The following PHKG1 variants were observed in gnomAD, a reference collection of about 807,000 sequenced individuals.
PHKG1 encodes phosphorylase b kinase gamma catalytic chain, skeletal muscle/heart isoform.
In PHKG1, 48 loss-of-function variants were observed where a neutral mutation model predicts 50.5. The ratio of observed to expected loss-of-function variants is 0.95; its 90% CI spans 0.75 to 1.21. The LOEUF is 1.21. Ranked by LOEUF, PHKG1 falls within the 50% of genes most tolerant of loss-of-function variation. The pLI, the probability that PHKG1 is intolerant of heterozygous loss-of-function variation, is 0.00. For missense variants in PHKG1, 487 were observed against 519.5 expected (o/e 0.94, Z 0.61); for synonymous variants, 204 against 212.8 (o/e 0.96, Z 0.36).
intron 2 of PHKG1, among the ~76,000 whole-genome samples, chr7:56,088,363 A>G (rs1449646959): frequency 6.6e-6 from 1 of 151,712 alleles, no homozygotes; most frequent in Non-Finnish European, 1.5e-5. Context: ...TTTAAAAAAA[A>G]AAATAGAGAT....
Position 56,081,691 on chromosome 7 carries a change from G to T in PHKG1, c.857C>A (p.Pro286His), listed in dbSNP as rs201883624. 3.2e-5 allele frequency: 52 copies of T among 1,613,758 alleles called. 1 individual carries two copies. In the South Asian group the frequency reaches 5.6e-4, roughly 17 times the overall value. Residue 286 changes from proline (P) to histidine (H), a missense_variant, in exon 9 of 10, where the codon CCC becomes CAC. Physicochemically the swap from Pro to His is moderately conservative, Grantham distance 77. Coordinates refer to ENST00000297373, the MANE Select transcript of PHKG1 (RefSeq NM_006213.5). This position sits in a 1 kb window ranked among gnomAD's most constrained non-coding sequence, Gnocchi z 4.6. ...CTCCACCAAGTACTGCTGGAAGAAG[G>T]GGTGTGCCAAGGCCTCTTCCGCTGT... The part of the protein sequence containing the change: ...RYTAEEALAH[P>H]FFQQYLVEEV...
intron 1 of PHKG1, 42 bp from the exon 2 acceptor site, chr7:56,089,017 AG>A: frequency 2.1e-6 from 2 of 958,996 alleles, no homozygotes; most frequent in East Asian, 4.9e-5. Context: ...TTCCTGACCC[AG>A]GGGCTGTTCT....
intron 1 of PHKG1, among the ~76,000 whole-genome samples, chr7:56,091,928 C>T (rs1426015363): frequency 6.6e-6 from 1 of 152,252 alleles, no homozygotes; most frequent in Non-Finnish European, 1.5e-5. Flanking sequence ...TAAAAACAAG[C>T]CCATTTGCTG....
intron 2 of PHKG1, 143 bp from the exon 3 acceptor site, chr7:56,087,919 A>G: frequency 1.8e-6 from 1 of 558,212 alleles, no homozygotes; most frequent in Non-Finnish European, 3.1e-6. Context: ...GAAATGGTGG[A>G]TGAATAAATA....
chr7:56,090,346 C>A (rs1349028012), intron 1 of PHKG1, among the ~76,000 whole-genome samples: 3 of 152,096 alleles, frequency 2.0e-5, no homozygotes, highest in Non-Finnish European at 2.9e-5. Context: ...AAACTCCTGA[C>A]TGCAAATGAT....
In PHKG1 at chr7:56,082,271, A is replaced by G. The variant is rs769760173; in HGVS notation, c.548-18T>C. On this transcript the variant is annotated intron_variant, in intron 6 of 9. Transcript: ENST00000297373. ...GCAGACCTCTGCAGGAACAGTCATC[A>G]TCAGGGCAGGTCAGCAGGGCACTCA... is the stretch of plus-strand genomic sequence containing the variant. 3.7e-6 allele frequency: 6 copies of G among 1,602,012 alleles called. No individual in the cohort carries two copies. Among genetic ancestry groups the G allele is most frequent in the Middle Eastern group, 1.6e-4 (1 of 6,068 alleles).
intron 1 of PHKG1, among the ~76,000 whole-genome samples, chr7:56,089,373 C>G (rs1400641202): frequency 4.0e-5 from 6 of 151,546 alleles, no homozygotes; most frequent in Non-Finnish European, 1.5e-5. Flanking sequence ...GCCCTCCAGC[C>G]TGGGCGACAC....
chr7:56,089,015 C>A, intron 1 of PHKG1, 40 bp from the exon 2 acceptor site: 1 of 977,326 alleles, frequency 1.0e-6, no homozygotes, highest in Non-Finnish European at 1.6e-6. Context: ...CCTTCCTGAC[C>A]CAGGGGCTGT....
At position 56,080,985 on chromosome 7, in the gene PHKG1, C is replaced by G; in HGVS notation, c.*69G>C. 6.3e-7 allele frequency: 1 copy of G among 1,576,884 alleles called. No homozygotes were observed. The highest frequency in any genetic ancestry group is 8.6e-7 in the Non-Finnish European group (1 of 1,158,214). On this transcript the variant is annotated 3_prime_UTR_variant, in exon 10 of 10. Transcript: ENST00000297373. ...TGCAGAGGCCTGCACGCATCTCACC[C>G]CTTTGACTTGTATTTCCATGGCTTC... is the stretch of plus-strand genomic sequence containing the variant.
Position 56,080,427 on chromosome 7 carries a change from C to A in PHKG1, c.*627G>T, listed in dbSNP as rs1795907038. On this transcript the variant is annotated 3_prime_UTR_variant, in exon 10 of 10. Transcript: ENST00000297373. The stretch of plus-strand genomic sequence containing the variant: ...TACAAGTGTGCACCACCATGCCTGG[C>A]TAATTTTTTGAATTTTTGTAGTGAT... 2 of 158,096 alleles carry A rather than the reference C, an allele frequency of 1.3e-5. No individual in the cohort carries two copies. The highest frequency in any genetic ancestry group is 4.8e-5 in the African/African-American group (2 of 41,360). The allele number at this position is 158,096 out of a possible 1,614,324, so 9.8% of individuals were successfully genotyped here. A position where few individuals can be genotyped will look rare whatever the true frequency, so the allele number is the denominator to read the frequency against.
chr7:56,087,064 A>C (rs1161863132), intron 3 of PHKG1, 40 bp from the exon 4 acceptor site: 1 of 1,567,734 alleles, frequency 6.4e-7, no homozygotes, highest in Admixed American at 1.7e-5. Context: ...GTAGCAGGGG[A>C]GCCCAGGCAG....
chr7:56,083,964 T>C (rs370395407), intron 4 of PHKG1, among the ~76,000 whole-genome samples: 8 of 152,232 alleles, frequency 5.3e-5, no homozygotes, highest in African/African-American at 9.6e-5. Flanking sequence ...CTCCGAGGAA[T>C]AGGCCTAGGT....
chr7:56,081,632 T>C lies in PHKG1; in HGVS notation c.916A>G (p.Lys306Glu). 6.2e-7 allele frequency: 1 copy of C among 1,613,570 alleles called. No individual in the cohort carries two copies. The change falls in exon 9 of 10, where the codon AAG (lysine) becomes GAG (glutamate). Residue 306 changes from lysine (K) to glutamate (E), a missense_variant and splice_region_variant. Physicochemically the swap from Lys to Glu is moderately conservative, Grantham distance 56. Coordinates refer to ENST00000297373, the MANE Select transcript of PHKG1 (RefSeq NM_006213.5). This position sits in a 1 kb window ranked among gnomAD's most constrained non-coding sequence, Gnocchi z 4.6. ...VRHFSPRGKF[K>E]VIALTVLASV... ...GCCTGGATCAGGACGCTTAGTACCTTGAACTTCCCCCGGGGGCTGAAGTGC... is the reference window on the plus strand; with the variant it reads ...GCCTGGATCAGGACGCTTAGTACCTCGAACTTCCCCCGGGGGCTGAAGTGC...
chr7:56,083,143 C>T (rs1358281873), intron 6 of PHKG1, 135 bp downstream of exon 6: 1 of 754,308 alleles, frequency 1.3e-6, no homozygotes, highest in East Asian at 2.7e-5. Context: ...AAAAAAAATC[C>T]CTAGCCCTTG....
At chr7:56,088,354 T>C (rs1562881472) in intron 2 of PHKG1, among the ~76,000 whole-genome samples, 1 of 149,566 alleles carries the variant, frequency 6.7e-6, no homozygotes, top group Non-Finnish European at 1.5e-5. Context: ...CCCCCCCTTT[T>C]TAAAAAAAAA....
At position 56,087,701 on chromosome 7, in the gene PHKG1, G is replaced by T. The variant is rs980106110; in HGVS notation, c.159C>A (p.Val53=). ...CCGGGCTGAAGCTGCCTCCACCGGT[G>T]ACGTCGATGACCTTCACGGCGTACT... ...SQEYAVKVID[V]TGGGSFSPEE... The change falls in exon 3 of 10, where the codon GTC becomes GTA. Residue 53 remains valine, a synonymous_variant. Transcript: ENST00000297373. 6.2e-7 allele frequency: 1 copy of T among 1,613,862 alleles called. No homozygotes were observed. Among genetic ancestry groups the T allele is most frequent in the African/African-American group, 1.3e-5 (1 of 74,942 alleles).
chr7:56,088,801 G>T, intron 2 of PHKG1, 58 bp downstream of exon 2: 1 of 1,191,382 alleles, frequency 8.4e-7, no homozygotes, highest in South Asian at 1.2e-5. Context: ...GCTGGCTGTA[G>T]CCCACAGGGT....
chr7:56,082,019 C>A lies in PHKG1; in HGVS notation c.666G>T (p.Thr222=). ...AGAAGGGCGGGGAGCCGGCCAGCAG[C>A]GTGTACATGATGACGCCAGTGCTCC... The part of the protein sequence containing the change: ...DMWSTGVIMY[T]LLAGSPPFWH... The change falls in exon 8 of 10, where the codon ACG becomes ACT. Residue 222 remains threonine, a synonymous_variant. Coordinates refer to ENST00000297373, the MANE Select transcript of PHKG1 (RefSeq NM_006213.5). 6.2e-7 allele frequency: 1 copy of A among 1,613,822 alleles called. No individual in the cohort carries two copies. The highest frequency in any genetic ancestry group is 8.5e-7 in the Non-Finnish European group (1 of 1,179,870).
chr7:56,091,745 G>T (rs1796499756), intron 1 of PHKG1, among the ~76,000 whole-genome samples: 1 of 152,322 alleles, frequency 6.6e-6, no homozygotes, highest in African/African-American at 2.4e-5. Context: ...CCGGGATTGG[G>T]CAGGCTGTTC....
Sources: allele counts gnomAD v4.1 joint callset (sites outside exome capture counted in the v4.1 genomes callset), GRCh38; gene constraint gnomAD v4.1.1; non-coding constraint Gnocchi (gnomAD v3.1); transcripts MANE v1.5; gene names NCBI Gene and HGNC (gene_info 2026-07-23, HGNC 2026-07-21).